Variants in DNAJC3 observed in about 807,000 individuals in gnomAD.
DNAJC3 encodes the protein DnaJ heat shock protein family (Hsp40) member C3, also known as dnaJ homolog subfamily C member 3.
In DNAJC3, 38 loss-of-function variants were observed where a neutral mutation model predicts 68.6. That is an observed-to-expected ratio of 0.55 (90% CI 0.43 to 0.73). The LOEUF (loss-of-function observed/expected upper bound fraction) is 0.73, where lower values mean the gene tolerates loss of function less well. DNAJC3 is among the 30% of genes least tolerant of loss of function. The pLI, the probability that DNAJC3 is intolerant of heterozygous loss-of-function variation, is 0.00. For missense variants in DNAJC3, 526 were observed against 591.9 expected, an observed-to-expected ratio of 0.89 and a Z score of 1.16; for synonymous variants, 203 against 204.0, an observed-to-expected ratio of 1.00 and a Z score of 0.04.
At chr13:95,682,111 A>C (rs951903860) in intron 1 of DNAJC3, among the ~76,000 whole-genome samples, 2 of 152,212 alleles carry the variant, frequency 1.3e-5, no homozygotes, top group African/African-American at 4.8e-5. Flanking sequence ...TTTCAACCTG[A>C]ATTTTGGAGA....
intron 9 of DNAJC3, among the ~76,000 whole-genome samples, chr13:95,784,933 G>A (rs911883062): frequency 1.3e-5 from 2 of 152,162 alleles, no homozygotes; most frequent in Non-Finnish European, 2.9e-5. Context: ...CAAAGTGACA[G>A]AGACCCTGTC....
chr13:95,699,111 C>T lies in DNAJC3; in HGVS notation c.83-10116C>T, dbSNP rs377266652. ...TATGGGGAAAGAAGGGTCTGCACCA[C>T]CAGCTCTTAGACTGTGGCAAGTTCT... On this transcript the variant is annotated intron_variant, in intron 1 of 11. Transcript: ENST00000602402. Among the ~76,000 whole-genome samples the T allele has an allele frequency of 2.0e-5, 3 of 152,288 alleles. No homozygotes were observed. In the South Asian group the frequency reaches 6.2e-4, roughly 32 times the overall value.
intron 4 of DNAJC3, among the ~76,000 whole-genome samples, chr13:95,730,563 G>A (rs1245825549): frequency 1.3e-5 from 2 of 152,104 alleles, no homozygotes; most frequent in African/African-American, 4.8e-5. Context: ...ATTGAAGAGG[G>A]TGTGTGTCCT....
intron 4 of DNAJC3, among the ~76,000 whole-genome samples, chr13:95,755,011 C>A (rs954616167): frequency 2.6e-5 from 4 of 151,910 alleles, no homozygotes; most frequent in African/African-American, 9.7e-5. Context: ...AATGTGAAAG[C>A]CCTAAGGAAG....
chr13:95,743,662 A>G (rs1287363915), intron 4 of DNAJC3, among the ~76,000 whole-genome samples: 2 of 152,002 alleles, frequency 1.3e-5, no homozygotes, highest in Non-Finnish European at 2.9e-5. Flanking sequence ...GGTTCAAGCA[A>G]TTCTCCTGTC....
At chr13:95,709,893 C>T (rs1880900944) in intron 2 of DNAJC3, among the ~76,000 whole-genome samples, 1 of 152,200 alleles carries the variant, frequency 6.6e-6, no homozygotes, top group South Asian at 2.1e-4. Context: ...CCCGCCTCGG[C>T]CTCCCAAAGT....
At chr13:95,691,514 A>G (rs1470622465) in intron 1 of DNAJC3, among the ~76,000 whole-genome samples, 1 of 137,978 alleles carries the variant, frequency 7.2e-6, no homozygotes, top group Non-Finnish European at 1.5e-5. Context: ...GGGAAGAGGC[A>G]CTCCTCACTT....
At chr13:95,724,771 G>A (rs1232332622) in intron 3 of DNAJC3, among the ~76,000 whole-genome samples, 1 of 152,090 alleles carries the variant, frequency 6.6e-6, no homozygotes, top group East Asian at 1.9e-4. Context: ...CTTTCACTTA[G>A]CATAGTGTTT....
chr13:95,764,347 TTCTC>T (rs3051424), intron 9 of DNAJC3, among the ~76,000 whole-genome samples: 8,478 of 129,888 alleles, frequency 0.065, 358 homozygotes, highest in East Asian at 0.16. Flanking sequence ...CATATACATA[TTCTC>T]TCTCTCTCTC....
In DNAJC3 at chr13:95,792,017, T is replaced by TATC. The variant is rs1594036143; in HGVS notation, c.*988_*990dup. ...TTCTCCTTCTATCAAGGCTTCACCCTATCTTAAAGGTCTGTGGTGCCTCCC... is the reference window on the plus strand; with the variant it reads ...TTCTCCTTCTATCAAGGCTTCACCCTATCATCTTAAAGGTCTGTGGTGCCTCCC... On this transcript the variant is annotated 3_prime_UTR_variant, in exon 12 of 12. Coordinates refer to ENST00000602402, the MANE Select transcript of DNAJC3 (RefSeq NM_006260.5). 1.3e-5 allele frequency: 2 copies of TATC among 152,334 alleles called. No homozygotes were observed. Among genetic ancestry groups the TATC allele is most frequent in the African/African-American group, 4.8e-5 (2 of 41,576 alleles). 9.4% of individuals were successfully genotyped at this position (152,334 alleles called of 1,614,324 possible). A position where few individuals can be genotyped will look rare whatever the true frequency, so the allele number is the denominator to read the frequency against.
At chr13:95,731,400 A>T (rs1881704033) in intron 4 of DNAJC3, among the ~76,000 whole-genome samples, 1 of 152,108 alleles carries the variant, frequency 6.6e-6, no homozygotes, top group Admixed American at 6.5e-5. Context: ...AAGGCTTTCA[A>T]TTTTTTCCCA....
In DNAJC3 at chr13:95,763,914, C is replaced by T. The variant is rs1594013989; in HGVS notation, c.1036C>T (p.Arg346Ter). 6.2e-7 allele frequency: 1 copy of T among 1,613,986 alleles called. No individual in the cohort carries two copies. Among genetic ancestry groups the T allele is most frequent in the Non-Finnish European group, 8.5e-7 (1 of 1,179,936 alleles). ...TGACAATGTGAATGCCCTGAAAGAT[C>T]GAGCAGAGGCCTATTTGATAGAGGA... The part of the protein sequence containing the change: ...EPDNVNALKD[R>*]AEAYLIEEMY... The change falls in exon 9 of 12, where the codon CGA becomes TGA. Residue 346 changes from arginine to a stop codon, truncating the protein, a stop_gained. Transcript: ENST00000602402. LOFTEE classifies it high-confidence loss of function.
chr13:95,731,612 T>A (rs147514650), intron 4 of DNAJC3, among the ~76,000 whole-genome samples: 4 of 152,362 alleles, frequency 2.6e-5, no homozygotes, highest in African/African-American at 9.6e-5. Context: ...GATTTCTAAA[T>A]GTTGAACCAT....
chr13:95,733,338 G>A (rs945926327), intron 4 of DNAJC3, among the ~76,000 whole-genome samples: 1 of 152,072 alleles, frequency 6.6e-6, no homozygotes, highest in Non-Finnish European at 1.5e-5. Context: ...TATATATTTA[G>A]AATTGTTATA....
At chr13:95,739,168 T>G (rs1156819564) in intron 4 of DNAJC3, among the ~76,000 whole-genome samples, 2 of 152,236 alleles carry the variant, frequency 1.3e-5, no homozygotes, top group African/African-American at 4.8e-5. Flanking sequence ...CTCTTCTGGC[T>G]TGTAGGGTTT....
At chr13:95,725,986 G>A (rs12385839) in intron 4 of DNAJC3, among the ~76,000 whole-genome samples, 7 of 151,534 alleles carry the variant, frequency 4.6e-5, no homozygotes, top group African/African-American at 9.7e-5. Flanking sequence ...CATCCATGTC[G>A]CTACAAAGGA....
chr13:95,742,558 C>T, intron 4 of DNAJC3: 3 of 435,576 alleles, frequency 6.9e-6, no homozygotes, highest in Non-Finnish European at 1.3e-5. Context: ...TTACTTTTTC[C>T]CCACATTCAG....
intron 3 of DNAJC3, 43 bp from the exon 4 acceptor site, chr13:95,725,135 A>G (rs1486415037): frequency 7.5e-7 from 1 of 1,325,244 alleles, no homozygotes; most frequent in African/African-American, 1.5e-5. Context: ...AGATTTAGAA[A>G]TCTATAATAT....
At chr13:95,732,305 C>T (rs1881740639) in intron 4 of DNAJC3, among the ~76,000 whole-genome samples, 1 of 152,108 alleles carries the variant, frequency 6.6e-6, no homozygotes, top group African/African-American at 2.4e-5. Context: ...CCATCCAGTC[C>T]TGGGCTTTTC....
Sources: allele counts gnomAD v4.1 joint callset (sites outside exome capture counted in the v4.1 genomes callset), GRCh38; gene constraint gnomAD v4.1.1; transcripts MANE v1.5; gene names NCBI Gene and HGNC (gene_info 2026-07-23, HGNC 2026-07-21).